Variants in PPP2R2A observed in about 807,000 individuals in gnomAD.
PPP2R2A encodes protein phosphatase 2 regulatory subunit Balpha, also known as serine/threonine-protein phosphatase 2A 55 kDa regulatory subunit B alpha isoform.
In PPP2R2A, 9 loss-of-function variants were observed where a neutral mutation model predicts 53.2. That is an observed-to-expected ratio of 0.17 (90% CI 0.10 to 0.30). The LOEUF is 0.30. Ranked by LOEUF, PPP2R2A falls within the 10% of genes least tolerant of loss-of-function variation. The pLI, the probability that PPP2R2A is intolerant of heterozygous loss-of-function variation, is 1.00. For missense variants in PPP2R2A, 235 were observed against 534.6 expected (o/e 0.44, Z 5.53); for synonymous variants, 169 against 174.2 (o/e 0.97, Z 0.23).
chr8:26,312,717 T>A (rs1236643532), intron 2 of PPP2R2A, among the ~76,000 whole-genome samples: 1 of 152,234 alleles, frequency 6.6e-6, no homozygotes, highest in African/African-American at 2.4e-5. Context: ...TTACTATACT[T>A]AGCAAAGGTG....
intron 9 of PPP2R2A, 71 bp downstream of exon 9, chr8:26,366,477 A>C: frequency 8.5e-7 from 1 of 1,181,532 alleles, no homozygotes; most frequent in East Asian, 2.5e-5. Flanking sequence ...TCCAGGTCCT[A>C]ACTTCGTCTC....
rs2117410104 is a variant in PPP2R2A at position 26,362,274 on chromosome 8, A to G, written c.638-410A>G. On this transcript the variant is annotated intron_variant, in intron 6 of 9. Transcript: ENST00000380737. This position sits in a 1 kb window ranked among gnomAD's most constrained non-coding sequence, Gnocchi z 4.4. Reference sequence around the variant, plus strand: ...TGGGAGGCTGAGGCGAGGCGGATGGATCATGAGGTCAGGAGGTCGAGACCA... The same window carrying G: ...TGGGAGGCTGAGGCGAGGCGGATGGGTCATGAGGTCAGGAGGTCGAGACCA... 6.6e-6 allele frequency among the ~76,000 whole-genome samples: 1 copy of G among 151,448 alleles called. No homozygotes were observed. Among genetic ancestry groups the G allele is most frequent in the Non-Finnish European group, 1.5e-5 (1 of 67,776 alleles).
intron 3 of PPP2R2A, among the ~76,000 whole-genome samples, chr8:26,340,230 A>T (rs1471976526): frequency 6.6e-6 from 1 of 152,020 alleles, no homozygotes; most frequent in Admixed American, 6.6e-5. Context: ...ATTTCATTAT[A>T]ATTTCCCTTT....
In PPP2R2A at chr8:26,362,724, A is replaced by G. The variant is rs1367159859; in HGVS notation, c.678A>G (p.Thr226=). 6.2e-7 allele frequency: 1 copy of G among 1,614,032 alleles called. No individual in the cohort carries two copies. The highest frequency in any genetic ancestry group is 2.2e-5 in the East Asian group (1 of 44,888). ...AGCCTGCCAATATGGAAGAGCTAAC[A>G]GAGGTGATTACAGCAGCAGAATTTC... ...DIKPANMEEL[T]EVITAAEFHP... is the part of the protein sequence containing the mutation. The change falls in exon 7 of 10, where the codon ACA becomes ACG. Residue 226 remains threonine, a synonymous_variant. Coordinates refer to ENST00000380737, the MANE Select transcript of PPP2R2A (RefSeq NM_002717.4). The surrounding 1 kb of genome is among the most constrained non-coding windows in gnomAD (Gnocchi z 4.4).
intron 2 of PPP2R2A, among the ~76,000 whole-genome samples, chr8:26,331,533 T>G (rs1803377039): frequency 6.6e-6 from 1 of 152,212 alleles, no homozygotes; most frequent in African/African-American, 2.4e-5. Context: ...TCTTTTTTAC[T>G]GAAATATAAC....
chr8:26,300,028 G>A, intron 2 of PPP2R2A, among the ~76,000 whole-genome samples: 1 of 152,116 alleles, frequency 6.6e-6, no homozygotes, highest in East Asian at 1.9e-4. Context: ...AGTAGTGTAA[G>A]TTTACCCATT....
chr8:26,352,673 T>G (rs1804580890), intron 3 of PPP2R2A, among the ~76,000 whole-genome samples: 1 of 152,206 alleles, frequency 6.6e-6, no homozygotes, highest in African/African-American at 2.4e-5. Flanking sequence ...TATACCTCTA[T>G]GATTTTGTTT....
intron 4 of PPP2R2A, among the ~76,000 whole-genome samples, chr8:26,358,252 A>G (rs1286376061): frequency 1.3e-5 from 2 of 151,972 alleles, no homozygotes; most frequent in Non-Finnish European, 2.9e-5. Context: ...GATCTTTAAT[A>G]AGGAGGATGG....
chr8:26,334,224 G>C (rs568917140), intron 2 of PPP2R2A, among the ~76,000 whole-genome samples: 1 of 152,100 alleles, frequency 6.6e-6, no homozygotes, highest in African/African-American at 2.4e-5. Flanking sequence ...ATTGTGATTG[G>C]TGATAGGACA....
At chr8:26,295,610 G>C (rs1290711263) in intron 2 of PPP2R2A, among the ~76,000 whole-genome samples, 1 of 152,080 alleles carries the variant, frequency 6.6e-6, no homozygotes, top group Non-Finnish European at 1.5e-5. Flanking sequence ...TCTACTGATT[G>C]GTTAAATAAT....
At chr8:26,318,406 ATCTT>A (rs1447298112) in intron 2 of PPP2R2A, among the ~76,000 whole-genome samples, 1 of 152,306 alleles carries the variant, frequency 6.6e-6, no homozygotes, top group Non-Finnish European at 1.5e-5. Flanking sequence ...TCTTTTATAA[ATCTT>A]TCCTGAAATA....
At chr8:26,318,763 C>T (rs1455820088) in intron 2 of PPP2R2A, among the ~76,000 whole-genome samples, 1 of 152,142 alleles carries the variant, frequency 6.6e-6, no homozygotes, top group Non-Finnish European at 1.5e-5. Context: ...ATAGACAGAA[C>T]CTGGATATTT....
intron 2 of PPP2R2A, among the ~76,000 whole-genome samples, chr8:26,332,335 T>C (rs1803426041): frequency 7.1e-6 from 1 of 141,144 alleles, no homozygotes; most frequent in Admixed American, 7.5e-5. Flanking sequence ...CACTCCAGCC[T>C]GGGTGACAGA....
intron 2 of PPP2R2A, among the ~76,000 whole-genome samples, chr8:26,326,028 G>T (rs1162058402): frequency 6.6e-6 from 1 of 152,094 alleles, no homozygotes; most frequent in Admixed American, 6.5e-5. Flanking sequence ...GTAGAGACGG[G>T]TTTTCGCCAT....
chr8:26,328,683 T>G (rs1442378436), intron 2 of PPP2R2A, among the ~76,000 whole-genome samples: 2 of 152,220 alleles, frequency 1.3e-5, no homozygotes, highest in African/African-American at 4.8e-5. Flanking sequence ...GACCATATTC[T>G]TAGAGATTTG....
At chr8:26,308,398 G>A (rs577438587) in intron 2 of PPP2R2A, among the ~76,000 whole-genome samples, 14 of 152,314 alleles carry the variant, frequency 9.2e-5, no homozygotes, top group African/African-American at 3.4e-4. Context: ...CAAAATTGGA[G>A]ACAATTCTTT....
intron 2 of PPP2R2A, among the ~76,000 whole-genome samples, chr8:26,327,658 G>C (rs1201879026): frequency 6.6e-6 from 1 of 151,768 alleles, no homozygotes; most frequent in Non-Finnish European, 1.5e-5. Context: ...ATTTTACAAT[G>C]ATTAGCTAAG....
chr8:26,367,312 G>GA (rs1028306816), intron 9 of PPP2R2A, among the ~76,000 whole-genome samples: 6 of 151,698 alleles, frequency 4.0e-5, no homozygotes, highest in African/African-American at 1.2e-4. Context: ...AAGGGAAGAA[G>GA]AAAAAAAAGA....
intron 2 of PPP2R2A, among the ~76,000 whole-genome samples, chr8:26,316,518 T>C (rs1802565222): frequency 6.6e-6 from 1 of 152,232 alleles, no homozygotes; most frequent in Non-Finnish European, 1.5e-5. Flanking sequence ...TATATTTTTT[T>C]ACTCCTGAAA....
Sources: allele counts gnomAD v4.1 joint callset (sites outside exome capture counted in the v4.1 genomes callset), GRCh38; gene constraint gnomAD v4.1.1; non-coding constraint Gnocchi (gnomAD v3.1); transcripts MANE v1.5; gene names NCBI Gene and HGNC (gene_info 2026-07-23, HGNC 2026-07-21).